ATXN1: variants seen among roughly 807,000 people sequenced by gnomAD.
The protein encoded by ATXN1 is ataxin 1.
Under a neutral mutation model 56.4 loss-of-function variants are expected in ATXN1, and 8 were observed. The observed-to-expected ratio is 0.14, with a 90% CI of 0.08 to 0.26. The LOEUF is 0.26. Among genes scored for constraint, ATXN1 ranks in the 10% least tolerant of loss-of-function variants. ATXN1 has a pLI of 1.00. For synonymous variants in ATXN1, 514 were observed against 494.6 expected (o/e 1.04, Z -0.52); for missense variants, 987 against 1,106.5 (o/e 0.89, Z 1.53).
intron 3 of ATXN1, among the ~76,000 whole-genome samples, chr6:16,589,616 T>C (rs1359663965): frequency 6.6e-6 from 1 of 152,156 alleles, no homozygotes; most frequent in Non-Finnish European, 1.5e-5. Context: ...CCTCACAGGG[T>C]TGTTACGAGA....
In ATXN1 at chr6:16,328,291, C is replaced by T; in HGVS notation, c.20G>A (p.Arg7Gln). 1 of 1,510,090 alleles carries T rather than the reference C, an allele frequency of 6.6e-7. No homozygotes were observed. Among genetic ancestry groups the T allele is most frequent in the Non-Finnish European group, 8.8e-7 (1 of 1,133,556 alleles). 93.5% of individuals were successfully genotyped at this position (1,510,090 alleles called of 1,614,324 possible). The change falls in exon 7 of 8, where the codon CGG becomes CAG. Residue 7 changes from arginine (R) to glutamine (Q), a missense_variant. Physicochemically the swap from Arg to Gln is conservative, Grantham distance 43. Transcript: ENST00000436367. This position sits in a 1 kb window ranked among gnomAD's most constrained non-coding sequence, Gnocchi z 6.2. The part of the protein sequence containing the change: MKSNQE[R>Q]SNECLPPKKR... Reference sequence around the variant, plus strand: ...CTTGGGAGGCAGGCATTCGTTGCTCCGCTCTTGGTTGGATTTCATTTTTCG... The same window carrying T: ...CTTGGGAGGCAGGCATTCGTTGCTCTGCTCTTGGTTGGATTTCATTTTTCG...
chr6:16,709,482 T>C (rs1759479163), intron 2 of ATXN1, among the ~76,000 whole-genome samples: 1 of 152,096 alleles, frequency 6.6e-6, no homozygotes, highest in Admixed American at 6.5e-5. Context: ...GTGGTAGTTA[T>C]GCAACTCTAC....
At position 16,761,457 on chromosome 6, in the gene ATXN1, A is replaced by G. The variant is rs188199331; in HGVS notation, c.-889T>C. On this transcript the variant is annotated 5_prime_UTR_variant, in exon 1 of 8. Transcript: ENST00000436367. ...CTGTACGGCTCCGCCACTGTAGTAG[A>G]AATGATGTCTGCGGTATACTCTGCT... The G allele has an allele frequency of 6.6e-6, 3 of 456,114 alleles. No homozygotes were observed. Among genetic ancestry groups the G allele is most frequent in the African/African-American group, 4.0e-5 (2 of 49,720 alleles). 28.3% of individuals were successfully genotyped at this position (456,114 alleles called of 1,614,324 possible).
intron 2 of ATXN1, among the ~76,000 whole-genome samples, chr6:16,745,132 G>A (rs1760479932): frequency 1.3e-5 from 2 of 152,238 alleles, no homozygotes; most frequent in African/African-American, 4.8e-5. Context: ...AAAATAGTAA[G>A]TCCCACAATT....
intron 2 of ATXN1, among the ~76,000 whole-genome samples, chr6:16,721,981 G>A (rs1358418378): frequency 2.0e-5 from 3 of 152,188 alleles, no homozygotes; most frequent in Non-Finnish European, 4.4e-5. Context: ...AAAGTTCAGT[G>A]ATCAGAAATG....
At position 16,339,424 on chromosome 6, in the gene ATXN1, C is replaced by T. The variant is rs80196848; in HGVS notation, c.-160-10954G>A. Among the ~76,000 whole-genome samples the T allele has an allele frequency of 6.0e-4, 92 of 152,286 alleles. No individual in the cohort carries two copies. In the East Asian group the frequency reaches 0.017, roughly 27 times the overall value. ...ATTCATAAACTAACCAGCTGTTCCTCCAGGTGTCACACACTGGCTTACCTT... is the reference window on the plus strand; with the variant it reads ...ATTCATAAACTAACCAGCTGTTCCTTCAGGTGTCACACACTGGCTTACCTT... On this transcript the variant is annotated intron_variant, in intron 6 of 7. Transcript: ENST00000436367.
Position 16,403,548 on chromosome 6 carries a change from G to A in ATXN1, c.-160-75078C>T, listed in dbSNP as rs562364279. 3.9e-5 allele frequency among the ~76,000 whole-genome samples: 6 copies of A among 152,152 alleles called. No individual in the cohort carries two copies. In the East Asian group the frequency reaches 5.8e-4, roughly 15 times the overall value. ...GTATTTTTAGTAGAGATGGGGTTTC[G>A]CCACATTGGCCAGGCTGGTCTCGAA... is the stretch of plus-strand genomic sequence containing the variant. On this transcript the variant is annotated intron_variant, in intron 6 of 7. Transcript: ENST00000436367.
intron 6 of ATXN1, among the ~76,000 whole-genome samples, chr6:16,407,589 A>G (rs901836351): frequency 6.6e-6 from 1 of 152,242 alleles, no homozygotes; most frequent in South Asian, 2.1e-4. Flanking sequence ...GTACTTATTT[A>G]GTTGGTGAAG....
At chr6:16,569,858 T>C (rs236954) in intron 4 of ATXN1, among the ~76,000 whole-genome samples, 92,290 of 151,934 alleles carry the variant, frequency 0.61, 28,175 homozygotes, top group East Asian at 0.74. Flanking sequence ...CCCAGGAGAC[T>C]GCTCACTCTC....
chr6:16,336,522 C>CAA (rs1761126595), intron 6 of ATXN1, among the ~76,000 whole-genome samples: 1 of 152,154 alleles, frequency 6.6e-6, no homozygotes, highest in Non-Finnish European at 1.5e-5. Context: ...TTCAAGACCA[C>CAA]CCACCCAATT....
chr6:16,747,209 C>A (rs138770220), intron 2 of ATXN1, among the ~76,000 whole-genome samples: 1 of 152,130 alleles, frequency 6.6e-6, no homozygotes, highest in Non-Finnish European at 1.5e-5. Context: ...GAAAACTGCA[C>A]GCTGCTCGGT....
chr6:16,427,120 G>A (rs1446804992), intron 6 of ATXN1, among the ~76,000 whole-genome samples: 3 of 152,294 alleles, frequency 2.0e-5, no homozygotes, highest in African/African-American at 7.2e-5. Flanking sequence ...TGGGGGCCAT[G>A]CTTCTCTCCA....
At chr6:16,385,028 G>A (rs951461674) in intron 6 of ATXN1, among the ~76,000 whole-genome samples, 3 of 152,170 alleles carry the variant, frequency 2.0e-5, no homozygotes, top group African/African-American at 7.2e-5. Context: ...AAGTTAGGGT[G>A]GGCTCCTTGG....
chr6:16,552,306 C>G (rs1488948630), intron 4 of ATXN1, among the ~76,000 whole-genome samples: 1 of 152,200 alleles, frequency 6.6e-6, no homozygotes, highest in Non-Finnish European at 1.5e-5. Context: ...ATCCCTAAAT[C>G]CTTATGAAGC....
intron 4 of ATXN1, among the ~76,000 whole-genome samples, chr6:16,534,003 C>T (rs373883056): frequency 4.6e-5 from 7 of 152,034 alleles, no homozygotes; most frequent in African/African-American, 1.4e-4. Flanking sequence ...AAAATGATAT[C>T]GTTTTTTCCT....
At chr6:16,757,583 TA>T (rs2113546562) in intron 1 of ATXN1, among the ~76,000 whole-genome samples, 1 of 152,276 alleles carries the variant, frequency 6.6e-6, no homozygotes, top group Non-Finnish European at 1.5e-5. Flanking sequence ...TAAAAACTCA[TA>T]AACCCCCTGG....
intron 6 of ATXN1, among the ~76,000 whole-genome samples, chr6:16,358,930 C>G (rs1761749628): frequency 6.6e-6 from 1 of 152,174 alleles, no homozygotes; most frequent in Admixed American, 6.5e-5. Context: ...AGCGGGAGCC[C>G]TGCCCCTTCC....
At chr6:16,343,423 C>T (rs373939265) in intron 6 of ATXN1, among the ~76,000 whole-genome samples, 2 of 152,140 alleles carry the variant, frequency 1.3e-5, no homozygotes, top group South Asian at 2.1e-4. Context: ...CCACACAGCG[C>T]CCCGCTCCCT....
chr6:16,510,112 T>A (rs2113682996), intron 5 of ATXN1, among the ~76,000 whole-genome samples: 1 of 152,364 alleles, frequency 6.6e-6, no homozygotes, highest in South Asian at 2.1e-4. Context: ...CCTTCTGTCT[T>A]ATGCCATACT....
Sources: gnomAD v4.1 joint callset for allele counts (sites outside exome capture counted in the v4.1 genomes callset) on GRCh38, gnomAD v4.1.1 for gene constraint, Gnocchi (gnomAD v3.1) non-coding constraint, MANE v1.5 for transcripts, NCBI Gene and HGNC (gene_info 2026-07-23, HGNC 2026-07-21) for gene names.